Variants in RASGRF2 observed in about 807,000 individuals in gnomAD.
RASGRF2 encodes ras-specific guanine nucleotide-releasing factor 2.
RASGRF2 carries 76 observed loss-of-function variants against 151.0 expected under a neutral mutation model. That is an observed-to-expected ratio of 0.50 (90% CI 0.42 to 0.61). The LOEUF (loss-of-function observed/expected upper bound fraction) is 0.61. RASGRF2 is among the 20% of genes least tolerant of loss of function. The pLI is 0.00. For synonymous variants in RASGRF2, 504 were observed against 566.5 expected, an observed-to-expected ratio of 0.89 and a Z score of 1.57; for missense variants, 1,148 against 1,564.6, an observed-to-expected ratio of 0.73 and a Z score of 4.49.
At chr5:81,052,743 G>C (rs75534297) in intron 2 of RASGRF2, among the ~76,000 whole-genome samples, 1,983 of 152,202 alleles carry the variant, frequency 0.013, 37 homozygotes, top group African/African-American at 0.045. Flanking sequence ...AGAGAAACTG[G>C]CCTTGCTTAG....
chr5:81,126,950 C>G (rs975431682), intron 16 of RASGRF2, 124 bp from the exon 17 acceptor site: 1 of 984,018 alleles, frequency 1.0e-6, no homozygotes, highest in Admixed American at 2.4e-5. Context: ...TGCCCATTAA[C>G]AGAGATAATA....
chr5:81,162,103 T>G lies in RASGRF2; in HGVS notation c.2687-18072T>G, dbSNP rs1043848185. 3.6e-4 allele frequency among the ~76,000 whole-genome samples: 54 copies of G among 151,936 alleles called. 1 individual carries two copies. The highest frequency in any genetic ancestry group is 3.5e-3 in the Admixed American group (54 of 15,238). ...AAAGATGGGCTCAAAAGTGCCTGAT[T>G]TACTGAGGAAGGTACTCAGAGTTGA... On this transcript the variant is annotated intron_variant, in intron 17 of 26. Coordinates refer to ENST00000265080, the MANE Select transcript of RASGRF2 (RefSeq NM_006909.3).
rs75119940 is a variant in RASGRF2, at chr5:81,016,740, G to A, written c.289-26137G>A. On this transcript the variant is annotated intron_variant, in intron 1 of 26. Transcript: ENST00000265080. ...ACAGTGTATAAAAGCTGATCTAGTA[G>A]CACAGTGTGGATTTTATGAAGGCTA... Among the ~76,000 whole-genome samples, 117 of 152,272 alleles carry A rather than the reference G, an allele frequency of 7.7e-4. 4 individuals are homozygous for A. The East Asian group carries it at 0.02, about 27-fold the overall frequency.
intron 1 of RASGRF2, among the ~76,000 whole-genome samples, chr5:80,996,609 A>G (rs1253576991): frequency 1.8e-5 from 2 of 111,578 alleles, no homozygotes; most frequent in Non-Finnish European, 3.5e-5. Context: ...TTTTTTTGAC[A>G]CTGTCAAAAA....
At chr5:81,002,616 T>C (rs1339514909) in intron 1 of RASGRF2, among the ~76,000 whole-genome samples, 2 of 152,246 alleles carry the variant, frequency 1.3e-5, no homozygotes, top group Admixed American at 1.3e-4. Context: ...CCATTTTTGC[T>C]GTGCCTTTAG....
chr5:81,034,463 G>A (rs1750391410), intron 1 of RASGRF2, among the ~76,000 whole-genome samples: 1 of 151,860 alleles, frequency 6.6e-6, no homozygotes, highest in Admixed American at 6.6e-5. Flanking sequence ...ATACCCAAAG[G>A]ACTATAAATC....
At chr5:81,201,478 GGTTGATTCCTGCTATGTTCATA>G in intron 19 of RASGRF2, 36 bp downstream of exon 19, 3 of 1,590,188 alleles carry the variant, frequency 1.9e-6, no homozygotes, top group Non-Finnish European at 2.6e-6. Flanking sequence ...GGATGACATT[GGTTGATTCCTGCTATGTTCATA>G]GAAAATAAGA....
chr5:81,126,945 A>G, intron 16 of RASGRF2, 129 bp from the exon 17 acceptor site: 2 of 936,046 alleles, frequency 2.1e-6, no homozygotes, highest in Non-Finnish European at 3.2e-6. Flanking sequence ...TTGTTTGCCC[A>G]TTAACAGAGA....
intron 18 of RASGRF2, among the ~76,000 whole-genome samples, chr5:81,189,664 T>A (rs1580392085): frequency 6.6e-6 from 1 of 151,658 alleles, no homozygotes; most frequent in African/African-American, 2.4e-5. Context: ...TAGCCACAGA[T>A]AATTTTATAC....
intron 1 of RASGRF2, among the ~76,000 whole-genome samples, chr5:81,023,439 G>T (rs993106244): frequency 2.3e-4 from 35 of 152,200 alleles, no homozygotes; most frequent in Non-Finnish European, 4.7e-4. Context: ...TAGGGGACCT[G>T]TGAAGCCCCA....
At chr5:81,158,037 T>A in intron 17 of RASGRF2, among the ~76,000 whole-genome samples, 1 of 152,190 alleles carries the variant, frequency 6.6e-6, no homozygotes, top group East Asian at 1.9e-4. Context: ...CTAACACTTC[T>A]GTGGAAATGC....
intron 18 of RASGRF2, among the ~76,000 whole-genome samples, chr5:81,184,955 G>A (rs566544453): frequency 1.3e-5 from 2 of 152,310 alleles, no homozygotes; most frequent in Admixed American, 6.5e-5. Flanking sequence ...CTGTTAAATC[G>A]AATTCTTCAG....
chr5:81,195,288 C>G (rs571320202), intron 18 of RASGRF2, among the ~76,000 whole-genome samples: 1 of 152,174 alleles, frequency 6.6e-6, no homozygotes, highest in Non-Finnish European at 1.5e-5. Context: ...TCTTATTCCA[C>G]CGTTTCAGGA....
Position 81,116,401 on chromosome 5 carries a change from A to G in RASGRF2, c.2470+2481A>G, listed in dbSNP as rs549015360. On this transcript the variant is annotated intron_variant, in intron 15 of 26. Transcript: ENST00000265080. ...CCCAGCCAGTGAATGCCATTTCTGC[A>G]AGTATCACAAGCATCACTGCTTCTG... Among the ~76,000 whole-genome samples, 6 of 152,266 alleles carry G rather than the reference A, an allele frequency of 3.9e-5. 1 individual carries two copies. Among genetic ancestry groups the G allele is most frequent in the African/African-American group, 1.4e-4 (6 of 41,562 alleles).
At chr5:80,980,176 T>C (rs1340708343) in intron 1 of RASGRF2, among the ~76,000 whole-genome samples, 2 of 152,220 alleles carry the variant, frequency 1.3e-5, no homozygotes, top group African/African-American at 4.8e-5. Context: ...AGGAAACTCA[T>C]TCTTTCCTAC....
intron 1 of RASGRF2, among the ~76,000 whole-genome samples, chr5:80,983,674 C>T (rs1748385250): frequency 6.6e-6 from 1 of 152,180 alleles, no homozygotes; most frequent in Non-Finnish European, 1.5e-5. Flanking sequence ...CCACTAGCCA[C>T]GTGTGGCTTT....
In RASGRF2 at chr5:81,206,887, A is replaced by G. The variant is rs752422187; in HGVS notation, c.2949A>G (p.Leu983=). 6.2e-7 allele frequency: 1 copy of G among 1,609,268 alleles called. No individual in the cohort carries two copies. Among genetic ancestry groups the G allele is most frequent in the Admixed American group, 1.7e-5 (1 of 60,034 alleles). Residue 983 remains leucine, a synonymous_variant, in exon 20 of 27, where the codon TTA becomes TTG. Coordinates refer to ENST00000265080, the MANE Select transcript of RASGRF2 (RefSeq NM_006909.3). ...QDDQDDIHLK[L]EDIIQMTDCM... ...ACCAAGATGACATCCACCTAAAATT[A>G]GAGGATATAATTCAAATGGTAAGTC...
At chr5:81,160,682 A>AATAATAATAAT (rs1754361798) in intron 17 of RASGRF2, among the ~76,000 whole-genome samples, 1 of 138,484 alleles carries the variant, frequency 7.2e-6, no homozygotes, top group African/African-American at 2.7e-5. Flanking sequence ...TCTGTCTCAA[A>AATAATAATAAT]AATAATAATA....
At chr5:81,004,700 A>T in intron 1 of RASGRF2, among the ~76,000 whole-genome samples, 1 of 152,234 alleles carries the variant, frequency 6.6e-6, no homozygotes, top group East Asian at 1.9e-4. Context: ...TAAGGTGGTC[A>T]TTCCATCAGT....
Sources: gnomAD v4.1 joint callset for allele counts (sites outside exome capture counted in the v4.1 genomes callset) on GRCh38, gnomAD v4.1.1 for gene constraint, MANE v1.5 for transcripts, NCBI Gene and HGNC (gene_info 2026-07-23, HGNC 2026-07-21) for gene names.